The following PCSK6 variants were observed in gnomAD, a reference collection of about 807,000 sequenced individuals.
PCSK6 encodes proprotein convertase subtilisin/kexin type 6, also known as paired basic amino acid cleaving enzyme 4.
Under a neutral mutation model 123.3 loss-of-function variants are expected in PCSK6, and 85 were observed. That is an observed-to-expected ratio of 0.69 (90% CI 0.58 to 0.83). PCSK6 has a LOEUF of 0.83. Ranked by LOEUF, PCSK6 falls within the 40% of genes least tolerant of loss-of-function variation. The probability of loss-of-function intolerance (pLI) is 0.00; values close to 1 mark genes in which losing one functional copy is unlikely to be tolerated. For missense variants in PCSK6, 1,191 were observed against 1,282.3 expected (o/e 0.93, Z 1.09); for synonymous variants, 508 against 516.0 (o/e 0.98, Z 0.21).
intron 11 of PCSK6, among the ~76,000 whole-genome samples, chr15:101,375,030 GTAAC>G (rs1278214549): frequency 2.0e-5 from 3 of 151,790 alleles, no homozygotes; most frequent in Admixed American, 2.0e-4. Context: ...TCAGCTTACG[GTAAC>G]CTCTGCCTCC....
In PCSK6 at chr15:101,483,687, G is replaced by C. The variant is rs1199240034; in HGVS notation, c.297+5687C>G. ...GTCTTTTCTGAGTCACAATGTCAAA[G>C]GTGACAATGCACACAGGTTAGAGCG... On this transcript the variant is annotated intron_variant, in intron 1 of 21. Transcript: ENST00000611716. Among the ~76,000 whole-genome samples, 4 of 152,246 alleles carry C rather than the reference G, an allele frequency of 2.6e-5. No individual in the cohort carries two copies. In the East Asian group the frequency reaches 7.7e-4, roughly 29 times the overall value.
intron 1 of PCSK6, among the ~76,000 whole-genome samples, chr15:101,480,741 C>G (rs2057857223): frequency 6.6e-6 from 1 of 152,226 alleles, no homozygotes; most frequent in Non-Finnish European, 1.5e-5. Flanking sequence ...TCAGGGGACA[C>G]AGGGCTCTCA....
chr15:101,334,449 T>C (rs2040432637), intron 13 of PCSK6: 1 of 151,106 alleles, frequency 6.6e-6, no homozygotes, highest in African/African-American at 2.4e-5. Context: ...AGGAAGTTGT[T>C]CTCACCGCTG....
At chr15:101,368,896 CG>C (rs1377836106) in intron 12 of PCSK6, among the ~76,000 whole-genome samples, 1 of 152,168 alleles carries the variant, frequency 6.6e-6, no homozygotes, top group African/African-American at 2.4e-5. Context: ...AAAAACACCA[CG>C]GGGAGCAACA....
intron 10 of PCSK6, among the ~76,000 whole-genome samples, chr15:101,383,205 G>A (rs927371784): frequency 2.6e-5 from 4 of 151,966 alleles, no homozygotes; most frequent in South Asian, 2.1e-4. Flanking sequence ...TCAGGAGTTC[G>A]AGACCAGCCT....
At chr15:101,364,282 G>T (rs530534128) in intron 13 of PCSK6, among the ~76,000 whole-genome samples, 2 of 152,282 alleles carry the variant, frequency 1.3e-5, no homozygotes, top group East Asian at 3.9e-4. Context: ...AGAAAAGCAA[G>T]ATCCCAGCAC....
intron 13 of PCSK6, among the ~76,000 whole-genome samples, chr15:101,345,127 G>A (rs938956372): frequency 1.5e-4 from 23 of 152,074 alleles, no homozygotes; most frequent in African/African-American, 5.3e-4. Flanking sequence ...GGTCTGCTAG[G>A]TGGGCTCCAC....
intron 6 of PCSK6, among the ~76,000 whole-genome samples, chr15:101,421,928 C>T (rs1294972603): frequency 2.0e-5 from 3 of 152,186 alleles, no homozygotes; most frequent in African/African-American, 7.2e-5. Context: ...CAGACTAACT[C>T]TTCTTATTAA....
At chr15:101,489,057 C>T (rs1453432224) in intron 1 of PCSK6, among the ~76,000 whole-genome samples, 1 of 149,810 alleles carries the variant, frequency 6.7e-6, no homozygotes, top group African/African-American at 2.4e-5. Flanking sequence ...CGCGCCGCCC[C>T]GGCTTCTGAG....
At chr15:101,449,168 T>A (rs2056968764) in intron 1 of PCSK6, among the ~76,000 whole-genome samples, 2 of 152,184 alleles carry the variant, frequency 1.3e-5, no homozygotes, top group Non-Finnish European at 2.9e-5. Flanking sequence ...AATGGCATCA[T>A]ATTTGCATAC....
intron 15 of PCSK6, among the ~76,000 whole-genome samples, chr15:101,328,483 C>G (rs1009061858): frequency 6.6e-6 from 1 of 152,072 alleles, no homozygotes; most frequent in Admixed American, 6.6e-5. Context: ...TGGCTAGGAA[C>G]AGGGAAAGTG....
chr15:101,478,846 T>C (rs921127303), intron 1 of PCSK6, among the ~76,000 whole-genome samples: 2 of 152,088 alleles, frequency 1.3e-5, no homozygotes, highest in Admixed American at 6.6e-5. Flanking sequence ...TACAGAAACA[T>C]CACAAATATT....
intron 13 of PCSK6, chr15:101,347,880 G>A: frequency 1.2e-6 from 1 of 837,072 alleles, no homozygotes; most frequent in Admixed American, 1.9e-5. Context: ...AAGCGCCCGG[G>A]GTTGACAAAT....
intron 6 of PCSK6, among the ~76,000 whole-genome samples, chr15:101,416,517 T>C (rs1475503176): frequency 2.0e-5 from 3 of 152,202 alleles, no homozygotes; most frequent in Non-Finnish European, 4.4e-5. Context: ...GAAATCTGCA[T>C]AAGTAACAAG....
At chr15:101,358,529 G>A (rs950765259) in intron 13 of PCSK6, among the ~76,000 whole-genome samples, 1 of 152,368 alleles carries the variant, frequency 6.6e-6, no homozygotes, top group Admixed American at 6.5e-5. Flanking sequence ...TCAGGGGCAG[G>A]AACTGTGTCT....
chr15:101,351,602 A>T (rs1156874699), intron 13 of PCSK6, among the ~76,000 whole-genome samples: 2 of 152,250 alleles, frequency 1.3e-5, no homozygotes, highest in Non-Finnish European at 2.9e-5. Flanking sequence ...CAAGCAATGT[A>T]TATTTTATTA....
intron 2 of PCSK6, among the ~76,000 whole-genome samples, chr15:101,442,202 G>T (rs573109956): frequency 2.0e-5 from 3 of 152,208 alleles, no homozygotes; most frequent in Non-Finnish European, 4.4e-5. Context: ...TGCATGTAAA[G>T]TGCCCAAGCA....
At chr15:101,443,723 C>T (rs1287979231) in intron 1 of PCSK6, 63 bp from the exon 2 acceptor site, 2 of 1,204,506 alleles carry the variant, frequency 1.7e-6, no homozygotes, top group South Asian at 2.4e-5. Flanking sequence ...CAAAATCTTC[C>T]ACCCCACAAG....
At chr15:101,489,273 G>T in intron 1 of PCSK6, 101 bp downstream of exon 1, 1 of 782,682 alleles carries the variant, frequency 1.3e-6, no homozygotes, top group Non-Finnish European at 1.6e-6. Context: ...CCACGCGCGC[G>T]CGGGGCCGGG....
Sources: allele counts gnomAD v4.1 joint callset (sites outside exome capture counted in the v4.1 genomes callset), GRCh38; gene constraint gnomAD v4.1.1; transcripts MANE v1.5; gene names NCBI Gene and HGNC (gene_info 2026-07-23, HGNC 2026-07-21).